The following DIS3L2 variants were observed in gnomAD, a reference collection of about 807,000 sequenced individuals.
The protein encoded by DIS3L2 is DIS3-like exonuclease 2.
Under a neutral mutation model 97.5 loss-of-function variants are expected in DIS3L2, and 34 were observed. That is an observed-to-expected ratio of 0.35 (90% CI 0.27 to 0.46). DIS3L2 has a LOEUF of 0.46. DIS3L2 is among the 20% of genes least tolerant of loss of function. DIS3L2 has a pLI of 1.00. For missense variants in DIS3L2, 1,038 were observed against 1,146.0 expected (o/e 0.91, Z 1.36); for synonymous variants, 435 against 445.2 (o/e 0.98, Z 0.29).
rs145001670 is a variant in DIS3L2, at chr2:232,136,441, A to C, written c.703-31A>C. 3.1e-6 allele frequency: 5 copies of C among 1,609,278 alleles called. No individual in the cohort carries two copies. The East Asian group carries it at 6.7e-5, about 22-fold the overall frequency. On this transcript the variant is annotated intron_variant, in intron 7 of 20. Coordinates refer to ENST00000325385, the MANE Select transcript of DIS3L2 (RefSeq NM_152383.5). ...AAGTGTAATTCAGTTCTGCAGATAA[A>C]CAACATTGACTATATCTTTGGTGTT...
In DIS3L2 at chr2:232,060,765, T is replaced by C. The variant is rs562503764; in HGVS notation, c.367-26722T>C. On this transcript the variant is annotated intron_variant, in intron 5 of 20. Coordinates refer to ENST00000325385, the MANE Select transcript of DIS3L2 (RefSeq NM_152383.5). ...TTGGGTAGTATGGACATTTTAACAT[T>C]ATTAATTCTTCCAACCAATGAGCAT... Among the ~76,000 whole-genome samples the C allele has an allele frequency of 3.5e-4, 54 of 152,328 alleles. 1 individual carries two copies. The highest frequency in any genetic ancestry group is 2.0e-4 in the Admixed American group (3 of 15,302).
intron 13 of DIS3L2, among the ~76,000 whole-genome samples, chr2:232,282,142 TAAAAAAAAAA>T (rs60408194): frequency 4.7e-5 from 5 of 107,158 alleles, no homozygotes; most frequent in African/African-American, 6.9e-5. Context: ...CTCGTTTATT[TAAAAAAAAAA>T]AAAAAAAAAA....
In DIS3L2 at chr2:232,128,666, G is replaced by C. The variant is rs371632551; in HGVS notation, c.602-1953G>C. Among the ~76,000 whole-genome samples the C allele has an allele frequency of 1.4e-4, 21 of 151,894 alleles. No homozygotes were observed. The East Asian group carries it at 2.5e-3, about 18-fold the overall frequency. On this transcript the variant is annotated intron_variant, in intron 6 of 20. Transcript: ENST00000325385. ...GACAGAGTTTCGCCGTGTTGCCCAG[G>C]CTGGTCTTGAACTCCAAAGCTCTAG...
chr2:232,088,357 T>C (rs951281066), intron 6 of DIS3L2, among the ~76,000 whole-genome samples: 9 of 118,586 alleles, frequency 7.6e-5, no homozygotes, highest in African/African-American at 2.4e-4. Flanking sequence ...CCATCCTGGC[T>C]AACACGTTGA....
intron 13 of DIS3L2, among the ~76,000 whole-genome samples, chr2:232,299,409 C>G (rs1694802359): frequency 6.6e-6 from 1 of 152,184 alleles, no homozygotes; most frequent in Non-Finnish European, 1.5e-5. Flanking sequence ...CAAGAAGGTC[C>G]TCCCCAGAGT....
chr2:232,235,307 C>T (rs1692903597), intron 10 of DIS3L2, among the ~76,000 whole-genome samples: 1 of 152,202 alleles, frequency 6.6e-6, no homozygotes, highest in South Asian at 2.1e-4. Context: ...AACATTTTGG[C>T]AGCATATGCC....
rs1252474686 is a variant in DIS3L2 at position 232,120,921 on chromosome 2, A to AT, written c.602-9696dup. 3.3e-5 allele frequency among the ~76,000 whole-genome samples: 5 copies of AT among 151,876 alleles called. No individual in the cohort carries two copies. The East Asian group carries it at 7.7e-4, about 24-fold the overall frequency. ...TGTCCAGGGACCCCTCCCTTTCCTA[A>AT]TTGTGCCCACTTCAACCACACCTTC... On this transcript the variant is annotated intron_variant, in intron 6 of 20. Coordinates refer to ENST00000325385, the MANE Select transcript of DIS3L2 (RefSeq NM_152383.5).
intron 13 of DIS3L2, among the ~76,000 whole-genome samples, chr2:232,280,366 A>G (rs1487358269): frequency 6.6e-6 from 1 of 152,216 alleles, no homozygotes. Context: ...GTATCATTTG[A>G]AAAGAGGGTA....
intron 9 of DIS3L2, among the ~76,000 whole-genome samples, chr2:232,179,951 G>C (rs1348713971): frequency 2.3e-5 from 3 of 131,580 alleles, no homozygotes; most frequent in Non-Finnish European, 4.5e-5. Context: ...GGCATTTAGT[G>C]CTATAAATTT....
At chr2:231,970,553 T>G (rs1692876196) in intron 1 of DIS3L2, among the ~76,000 whole-genome samples, 1 of 152,122 alleles carries the variant, frequency 6.6e-6, no homozygotes, top group Non-Finnish European at 1.5e-5. Flanking sequence ...AAAGGTACAG[T>G]AAAAATACAA....
At chr2:232,122,048 A>G (rs1440747143) in intron 6 of DIS3L2, among the ~76,000 whole-genome samples, 1 of 152,030 alleles carries the variant, frequency 6.6e-6, no homozygotes, top group Non-Finnish European at 1.5e-5. Flanking sequence ...TACTTTAATC[A>G]TGTCAGCCTT....
intron 1 of DIS3L2, among the ~76,000 whole-genome samples, chr2:231,994,353 G>A (rs574987131): frequency 1.4e-3 from 209 of 151,992 alleles, no homozygotes; most frequent in Non-Finnish European, 2.7e-3. Context: ...CATTATTTTA[G>A]TTATTCTAGT....
At chr2:232,078,054 T>A (rs1366372835) in intron 5 of DIS3L2, among the ~76,000 whole-genome samples, 229 of 149,642 alleles carry the variant, frequency 1.5e-3, no homozygotes, top group Non-Finnish European at 2.7e-3. Context: ...TTTTTTTTTT[T>A]ATTTTTTGAG....
At chr2:232,119,082 G>T (rs910322061) in intron 6 of DIS3L2, among the ~76,000 whole-genome samples, 1 of 152,102 alleles carries the variant, frequency 6.6e-6, no homozygotes, top group Non-Finnish European at 1.5e-5. Flanking sequence ...CGAGTAGTAG[G>T]CTGGATATCA....
chr2:232,249,464 T>TGGA, intron 12 of DIS3L2, 118 bp downstream of exon 12: 1 of 1,074,472 alleles, frequency 9.3e-7, no homozygotes, highest in Non-Finnish European at 1.4e-6. Context: ...AAGGGAGGTA[T>TGGA]GGAGTAGCCA....
intron 8 of DIS3L2, among the ~76,000 whole-genome samples, chr2:232,156,766 A>C (rs1320426772): frequency 6.6e-6 from 1 of 152,168 alleles, no homozygotes; most frequent in African/African-American, 2.4e-5. Context: ...CAGCCTCACA[A>C]ACACTGAGAC....
At chr2:232,248,583 C>T (rs1025219978) in intron 11 of DIS3L2, among the ~76,000 whole-genome samples, 2 of 152,084 alleles carry the variant, frequency 1.3e-5, no homozygotes, top group Non-Finnish European at 2.9e-5. Flanking sequence ...AGAGTATATA[C>T]CGTTGACTCA....
chr2:232,273,173 C>G (rs1159682051), intron 13 of DIS3L2, among the ~76,000 whole-genome samples: 1 of 152,050 alleles, frequency 6.6e-6, no homozygotes, highest in East Asian at 1.9e-4. Flanking sequence ...TCCACCCCTC[C>G]TTCCTAGGGT....
intron 9 of DIS3L2, among the ~76,000 whole-genome samples, chr2:232,183,830 G>A (rs1691359615): frequency 6.6e-6 from 1 of 152,150 alleles, no homozygotes; most frequent in Admixed American, 6.6e-5. Flanking sequence ...CGGTAAATGG[G>A]GGTTTTCAGG....
Sources: allele counts gnomAD v4.1 joint callset (sites outside exome capture counted in the v4.1 genomes callset), GRCh38; gene constraint gnomAD v4.1.1; transcripts MANE v1.5; gene names NCBI Gene and HGNC (gene_info 2026-07-23, HGNC 2026-07-21).